Variants in KCNT2 observed in about 807,000 individuals in gnomAD.
KCNT2 encodes the protein potassium channel subfamily T member 2.
Under a neutral mutation model 153.8 loss-of-function variants are expected in KCNT2, and 67 were observed. The observed-to-expected ratio is 0.44, with a 90% CI of 0.36 to 0.53. The LOEUF (loss-of-function observed/expected upper bound fraction) is 0.53. Ranked by LOEUF, KCNT2 falls within the 20% of genes least tolerant of loss-of-function variation. KCNT2 has a pLI of 0.00. For synonymous variants in KCNT2, 500 were observed against 458.8 expected (o/e 1.09, Z -1.15); for missense variants, 975 against 1,354.8 (o/e 0.72, Z 4.40).
chr1:196,594,470 T>A (rs1340231733), intron 1 of KCNT2, among the ~76,000 whole-genome samples: 2 of 152,150 alleles, frequency 1.3e-5, no homozygotes, highest in Non-Finnish European at 2.9e-5. Flanking sequence ...ATATTTCTTT[T>A]TCTTTTGGTA....
chr1:196,331,621 G>A (rs187026205), intron 17 of KCNT2, among the ~76,000 whole-genome samples: 16 of 152,108 alleles, frequency 1.1e-4, no homozygotes, highest in African/African-American at 3.6e-4. Flanking sequence ...GTGTTTTTGT[G>A]CTTTGGTAAC....
intron 10 of KCNT2, among the ~76,000 whole-genome samples, chr1:196,426,557 G>A (rs896812119): frequency 6.6e-6 from 1 of 151,842 alleles, no homozygotes; most frequent in Non-Finnish European, 1.5e-5. Context: ...TGGTCCTTTG[G>A]AGAAAATTAC....
At chr1:196,361,232 C>T (rs1012777283) in intron 14 of KCNT2, among the ~76,000 whole-genome samples, 5 of 151,418 alleles carry the variant, frequency 3.3e-5, no homozygotes, top group African/African-American at 1.2e-4. Flanking sequence ...CACAAAGCAT[C>T]CTACACTCCC....
At chr1:196,567,980 C>T (rs1660309881) in intron 1 of KCNT2, among the ~76,000 whole-genome samples, 1 of 152,082 alleles carries the variant, frequency 6.6e-6, no homozygotes, top group African/African-American at 2.4e-5. Flanking sequence ...GAAGTCATCA[C>T]CTCTAAGGAA....
At chr1:196,534,446 G>T (rs1655305479) in intron 1 of KCNT2, among the ~76,000 whole-genome samples, 1 of 152,224 alleles carries the variant, frequency 6.6e-6, no homozygotes, top group Non-Finnish European at 1.5e-5. Flanking sequence ...CATAGTATTT[G>T]CTAGAGTTGG....
At chr1:196,376,141 T>C (rs1442728246) in intron 13 of KCNT2, among the ~76,000 whole-genome samples, 1 of 151,860 alleles carries the variant, frequency 6.6e-6, no homozygotes, top group African/African-American at 2.4e-5. Flanking sequence ...TACATTATAA[T>C]AGCCAAAGTT....
intron 8 of KCNT2, among the ~76,000 whole-genome samples, chr1:196,432,218 G>A (rs1180276670): frequency 1.3e-5 from 2 of 152,162 alleles, no homozygotes; most frequent in African/African-American, 4.8e-5. Context: ...AAGAGCACAA[G>A]CTGTGAAGGC....
chr1:196,409,247 AT>A (rs1164036872), intron 12 of KCNT2, among the ~76,000 whole-genome samples: 2 of 151,166 alleles, frequency 1.3e-5, no homozygotes, highest in East Asian at 3.9e-4. Flanking sequence ...TATCCCATCT[AT>A]TCTTTGTTCC....
chr1:196,356,520 T>C (rs1667189843), intron 14 of KCNT2, among the ~76,000 whole-genome samples: 1 of 151,782 alleles, frequency 6.6e-6, no homozygotes, highest in African/African-American at 2.4e-5. Flanking sequence ...TCAAAAAAAA[T>C]TAACAACACA....
At chr1:196,429,967 G>T (rs1278263646) in intron 8 of KCNT2, among the ~76,000 whole-genome samples, 2 of 152,028 alleles carry the variant, frequency 1.3e-5, no homozygotes, top group African/African-American at 4.8e-5. Flanking sequence ...ATAGACAAAA[G>T]TGGTAGCTAA....
intron 12 of KCNT2, among the ~76,000 whole-genome samples, chr1:196,420,707 A>G (rs897403805): frequency 1.3e-5 from 2 of 152,046 alleles, no homozygotes; most frequent in African/African-American, 4.8e-5. Context: ...GTCAATGTCA[A>G]TAGAGATATG....
chr1:196,293,557 A>G (rs1660394147), intron 22 of KCNT2, among the ~76,000 whole-genome samples: 1 of 152,210 alleles, frequency 6.6e-6, no homozygotes, highest in Non-Finnish European at 1.5e-5. Context: ...CATGGAGAAA[A>G]GATCATCTCT....
intron 1 of KCNT2, among the ~76,000 whole-genome samples, chr1:196,556,247 C>G (rs73069738): frequency 0.054 from 8,235 of 151,310 alleles, 740 homozygotes; most frequent in African/African-American, 0.19. Flanking sequence ...TTCCAAATAC[C>G]CATTTCACAA....
intron 1 of KCNT2, among the ~76,000 whole-genome samples, chr1:196,563,803 G>A (rs550690707): frequency 6.6e-6 from 1 of 151,908 alleles, no homozygotes; most frequent in East Asian, 1.9e-4. Context: ...AAATTTGAAA[G>A]AATTCAACAT....
chr1:196,303,714 A>G (rs1022994886), intron 22 of KCNT2, among the ~76,000 whole-genome samples: 3 of 152,164 alleles, frequency 2.0e-5, no homozygotes, highest in African/African-American at 4.8e-5. Context: ...TATTTTCCAC[A>G]TAAGAATCCC....
chr1:196,466,778 T>C (rs1017557201), intron 7 of KCNT2, among the ~76,000 whole-genome samples: 8 of 152,048 alleles, frequency 5.3e-5, no homozygotes, highest in Admixed American at 4.6e-4. Flanking sequence ...TGAACATGTA[T>C]TAACATTTGT....
chr1:196,251,362 C>T (rs1655956282), intron 26 of KCNT2, among the ~76,000 whole-genome samples: 1 of 151,942 alleles, frequency 6.6e-6, no homozygotes, highest in African/African-American at 2.4e-5. Flanking sequence ...TCCTCTAGCC[C>T]TTCCAAAGTG....
chr1:196,321,321 G>A (rs1323086425), intron 19 of KCNT2, among the ~76,000 whole-genome samples: 1 of 151,844 alleles, frequency 6.6e-6, no homozygotes, highest in Non-Finnish European at 1.5e-5. Flanking sequence ...GGCTGTTGCG[G>A]TGATCTGAAA....
intron 8 of KCNT2, among the ~76,000 whole-genome samples, chr1:196,454,315 C>T (rs1676469566): frequency 6.6e-6 from 1 of 151,876 alleles, no homozygotes; most frequent in Admixed American, 6.6e-5. Context: ...CAAATGATCC[C>T]ATCATCCAGA....
Sources: allele counts gnomAD v4.1 joint callset (sites outside exome capture counted in the v4.1 genomes callset), GRCh38; gene constraint gnomAD v4.1.1; transcripts MANE v1.5; gene names NCBI Gene and HGNC (gene_info 2026-07-23, HGNC 2026-07-21).